NBPF3: variants seen among roughly 807,000 people sequenced by gnomAD.
The protein encoded by NBPF3 is NBPF family member NBPF3.
Under a neutral mutation model 78.1 loss-of-function variants are expected in NBPF3, and 57 were observed. The observed-to-expected ratio is 0.73, with a 90% CI of 0.59 to 0.91. The LOEUF is 0.91. Ranked by LOEUF, NBPF3 falls within the 40% of genes least tolerant of loss-of-function variation. The probability of loss-of-function intolerance (pLI) is 0.00; values close to 1 mark genes in which losing one functional copy is unlikely to be tolerated. For synonymous variants in NBPF3, 182 were observed against 271.7 expected, an observed-to-expected ratio of 0.67 and a Z score of 3.25; for missense variants, 510 against 715.3, an observed-to-expected ratio of 0.71 and a Z score of 3.27.
In NBPF3 at chr1:21,468,711, A is replaced by G. The variant is rs1262141819; in HGVS notation, c.157A>G (p.Thr53Ala). Reference protein sequence around the residue: ...PTVPGPTSSATNVSMVVSAGP... With the variant: ...PTVPGPTSSAANVSMVVSAGP... ...AGTCCCTGGCCCCACCTCTTCTGCCACAAACGTCAGCATGGTGGTATCTGC... is the reference window on the plus strand; with the variant it reads ...AGTCCCTGGCCCCACCTCTTCTGCCGCAAACGTCAGCATGGTGGTATCTGC... Residue 53 changes from threonine (T) to alanine (A), a missense_variant, in exon 3 of 15, where the codon ACA (threonine) becomes GCA (alanine). Thr to Ala is a moderately conservative substitution (Grantham distance 58, BLOSUM62 0). Around this residue, in one of 5 missense-constraint regions of NBPF3, gnomAD observed 440 missense variants for 478.2 expected, o/e 0.92. Transcript: ENST00000318249. The G allele has an allele frequency of 3.7e-6, 6 of 1,613,430 alleles. No homozygotes were observed. Among genetic ancestry groups the G allele is most frequent in the Non-Finnish European group, 5.1e-6 (6 of 1,179,396 alleles).
chr1:21,471,567 A>G lies in NBPF3; in HGVS notation c.447-2A>G. On this transcript the variant is annotated splice_acceptor_variant, in intron 4 of 14. Transcript: ENST00000318249. LOFTEE classifies it high-confidence loss of function. ...TAAATTTTCTCTACTATCTCACCTT[A>G]GGCAATATAAAGTCCTGGTTCACTC... The G allele has an allele frequency of 1.2e-6, 2 of 1,611,788 alleles. No individual in the cohort carries two copies. Among genetic ancestry groups the G allele is most frequent in the Non-Finnish European group, 1.7e-6 (2 of 1,179,736 alleles).
upstream of NBPF3, chr1:21,436,800 G>T: frequency 8.7e-7 from 1 of 1,151,492 alleles, no homozygotes. This position sits in a 1 kb window ranked among gnomAD's most constrained non-coding sequence, Gnocchi z 4.3. Flanking sequence ...AGCACCAGCT[G>T]CAGGTCCAGG....
At chr1:21,465,923 A>G (rs1431517309) in intron 2 of NBPF3, among the ~76,000 whole-genome samples, 6 of 152,238 alleles carry the variant, frequency 3.9e-5, no homozygotes, top group Non-Finnish European at 8.8e-5. Context: ...GATCAGAGGC[A>G]CTGAGACATG....
At chr1:21,452,362 T>G (rs1641361193) in intron 2 of NBPF3, among the ~76,000 whole-genome samples, 1 of 152,182 alleles carries the variant, frequency 6.6e-6, no homozygotes, top group Non-Finnish European at 1.5e-5. Flanking sequence ...TAGACAAAGG[T>G]TGTTCAACTG....
intron 2 of NBPF3, among the ~76,000 whole-genome samples, chr1:21,457,197 T>C (rs1007354483): frequency 6.6e-6 from 1 of 151,970 alleles, no homozygotes; most frequent in Non-Finnish European, 1.5e-5. Flanking sequence ...TGTATGTATG[T>C]GTGTGGGTGG....
intron 1 of NBPF3, chr1:21,440,761 T>G (rs1328832324): frequency 6.6e-6 from 1 of 152,400 alleles, no homozygotes; most frequent in South Asian, 2.1e-4. Context: ...GGGTCTTTAC[T>G]GGCCTCCGGG....
intron 2 of NBPF3, 197 bp from the exon 3 acceptor site, chr1:21,468,491 C>T: frequency 6.9e-7 from 1 of 1,446,392 alleles, no homozygotes. Flanking sequence ...GAGCTATTGG[C>T]AGTGCCTTCA....
chr1:21,467,034 C>T (rs4061675), intron 2 of NBPF3: 50,202 of 982,566 alleles, frequency 0.051, 1,386 homozygotes, highest in African/African-American at 0.098. Flanking sequence ...AAGTAAGCCA[C>T]GTAACTCTGT....
rs113368763 is a variant in NBPF3, at chr1:21,464,454, G to T, written c.134-4234G>T. 1.1e-3 allele frequency among the ~76,000 whole-genome samples: 168 copies of T among 151,846 alleles called. 2 individuals are homozygous for T. Among genetic ancestry groups the T allele is most frequent in the African/African-American group, 3.8e-3 (159 of 41,362 alleles). On this transcript the variant is annotated intron_variant, in intron 2 of 14. Coordinates refer to ENST00000318249, the MANE Select transcript of NBPF3 (RefSeq NM_032264.6). The stretch of plus-strand genomic sequence containing the variant: ...TTAGTGGTTGTCAGAGAGCACAAGA[G>T]GGGGGGAATTGGAGAGTGTCTGCCC...
intron 1 of NBPF3, among the ~76,000 whole-genome samples, chr1:21,442,066 T>C (rs940321597): frequency 1.3e-5 from 2 of 152,254 alleles, no homozygotes; most frequent in Non-Finnish European, 2.9e-5. Flanking sequence ...TATCCAGTTT[T>C]CATTGATATG....
chr1:21,482,158 A>G (rs72478511), intron 13 of NBPF3, among the ~76,000 whole-genome samples: 18,144 of 150,520 alleles, frequency 0.12, 2,070 homozygotes, highest in South Asian at 0.32. Context: ...AGGGCTGAAT[A>G]TTGCAGTTTT....
chr1:21,470,747 C>T lies in NBPF3; in HGVS notation c.446+13C>T. 6.3e-7 allele frequency: 1 copy of T among 1,580,884 alleles called. No homozygotes were observed. The highest frequency in any genetic ancestry group is 1.1e-5 in the South Asian group (1 of 90,578). On this transcript the variant is annotated intron_variant, in intron 4 of 14. Transcript: ENST00000318249. ...CTGAGGAGCTCAGGTGAGTGGGCCC[C>T]CTGGGGTCAGGCAGGTGGGCAGGTG...
At chr1:21,474,210 C>CTTTTTT (rs11453851) in intron 7 of NBPF3, among the ~76,000 whole-genome samples, 3 of 143,884 alleles carry the variant, frequency 2.1e-5, no homozygotes, top group Non-Finnish European at 3.0e-5. Context: ...TTTTCTTTTT[C>CTTTTTT]TTTTTTTTTT....
intron 2 of NBPF3, among the ~76,000 whole-genome samples, chr1:21,448,596 A>C (rs1426414485): frequency 6.6e-6 from 1 of 152,186 alleles, no homozygotes; most frequent in African/African-American, 2.4e-5. Context: ...TCGGAACTTC[A>C]TCATGAGAAC....
intron 2 of NBPF3, among the ~76,000 whole-genome samples, chr1:21,457,020 G>A (rs980761354): frequency 6.6e-6 from 1 of 152,216 alleles, no homozygotes; most frequent in Non-Finnish European, 1.5e-5. Context: ...ATGTTGCAGA[G>A]TATAAGCTCA....
At chr1:21,447,866 C>T (rs1432591192) in intron 2 of NBPF3, among the ~76,000 whole-genome samples, 3 of 152,184 alleles carry the variant, frequency 2.0e-5, no homozygotes, top group East Asian at 3.8e-4. Context: ...AGTGATATCT[C>T]ATTGTTGTTT....
At position 21,484,257 on chromosome 1, in the gene NBPF3, G is replaced by C. The variant is rs543456643; in HGVS notation, c.*871G>C. 2.8e-5 allele frequency: 4 copies of C among 144,382 alleles called. No individual in the cohort carries two copies. The South Asian group carries it at 1.0e-3, about 36-fold the overall frequency. The allele number at this position is 144,382 out of a possible 1,614,324, so 8.9% of individuals were successfully genotyped here. ...CCACGAATCACACAACAAAAAGGAGGAGAGATATTTTGGGTTCAGAAGAAG... is the reference window on the plus strand; with the variant it reads ...CCACGAATCACACAACAAAAAGGAGCAGAGATATTTTGGGTTCAGAAGAAG... On this transcript the variant is annotated 3_prime_UTR_variant, in exon 15 of 15. Transcript: ENST00000318249.
At chr1:21,452,049 A>T (rs1441493519) in intron 2 of NBPF3, 2 of 155,510 alleles carry the variant, frequency 1.3e-5, no homozygotes, top group Non-Finnish European at 1.4e-5. Context: ...TTAAATGATG[A>T]TGTCCTTGTA....
At chr1:21,478,527 G>C (rs1283182055) in intron 9 of NBPF3, among the ~76,000 whole-genome samples, 3 of 152,242 alleles carry the variant, frequency 2.0e-5, no homozygotes, top group African/African-American at 4.8e-5. Flanking sequence ...GGCCATGCCT[G>C]TGCCACCCTG....
Sources: gnomAD v4.1 joint callset for allele counts (sites outside exome capture counted in the v4.1 genomes callset) on GRCh38, gnomAD v4.1.1 for gene constraint, gnomAD v4.1.1 regional missense constraint, Gnocchi (gnomAD v3.1) non-coding constraint, MANE v1.5 for transcripts, NCBI Gene and HGNC (gene_info 2026-07-23, HGNC 2026-07-21) for gene names.